CASD1: variants seen among roughly 807,000 people sequenced by gnomAD.
CASD1 encodes N-acetylneuraminate (7)9-O-acetyltransferase.
In CASD1, 41 loss-of-function variants were observed where a neutral mutation model predicts 100.0. The ratio of observed to expected loss-of-function variants is 0.41; its 90% CI spans 0.32 to 0.53. The LOEUF (loss-of-function observed/expected upper bound fraction) is 0.53. Ranked by LOEUF, CASD1 falls within the 20% of genes least tolerant of loss-of-function variation. CASD1 has a pLI of 0.25. For synonymous variants in CASD1, 321 were observed against 315.6 expected (o/e 1.02, Z -0.18); for missense variants, 774 against 948.7 (o/e 0.82, Z 2.42).
Position 94,545,666 on chromosome 7 carries a change from C to T in CASD1, c.1598C>T (p.Ala533Val). ...VWFMVIYVTL[A>V]LWPQIIQKKA... ...TTCATGGTCATATATGTTACTTTAG[C>T]ACTATGGCCACAAATAATCCAAAAA... is the stretch of plus-strand genomic sequence containing the variant. The change falls in exon 12 of 18, where the codon GCA becomes GTA. Residue 533 changes from alanine to valine, a missense_variant. Transcript: ENST00000297273. The T allele has an allele frequency of 6.2e-7, 1 of 1,604,136 alleles. No individual in the cohort carries two copies. Among genetic ancestry groups the T allele is most frequent in the African/African-American group, 1.3e-5 (1 of 74,832 alleles).
At chr7:94,543,094 A>G (rs969706245) in intron 10 of CASD1, among the ~76,000 whole-genome samples, 1 of 152,156 alleles carries the variant, frequency 6.6e-6, no homozygotes, top group Non-Finnish European at 1.5e-5. Flanking sequence ...GGCAAGAATA[A>G]ACAGGTAAAT....
At chr7:94,588,595 GA>G in the CASD1 span, 1 of 1,553,306 alleles carries the variant, frequency 6.4e-7, no homozygotes, top group Non-Finnish European at 8.7e-7. Flanking sequence ...CTTATTTGGT[GA>G]AGATAAAGCT....
chr7:94,536,235 T>TC, intron 8 of CASD1, among the ~76,000 whole-genome samples: 1 of 152,078 alleles, frequency 6.6e-6, no homozygotes, highest in Admixed American at 6.6e-5. Flanking sequence ...AGAGAGAGAC[T>TC]CCATCTCAAG....
chr7:94,608,579 G>A, the CASD1 span, among the ~76,000 whole-genome samples: 9 of 152,084 alleles, frequency 5.9e-5, no homozygotes, highest in Admixed American at 5.9e-4. Context: ...TTATTCTAAA[G>A]TTTATATGGA....
chr7:94,632,787 T>C, the CASD1 span, among the ~76,000 whole-genome samples: 1 of 152,074 alleles, frequency 6.6e-6, no homozygotes, highest in Non-Finnish European at 1.5e-5. Context: ...TATTTACACC[T>C]ATGCTTCCTT....
chr7:94,547,265 T>G, intron 13 of CASD1, 90 bp downstream of exon 13: 1 of 839,574 alleles, frequency 1.2e-6, no homozygotes. Context: ...AGAGCTTTTT[T>G]TTAGCTTCAT....
At chr7:94,571,444 A>G in the CASD1 span, among the ~76,000 whole-genome samples, 1 of 152,262 alleles carries the variant, frequency 6.6e-6, no homozygotes, top group East Asian at 1.9e-4. Context: ...TGTAATAATT[A>G]TGAGGAGCTT....
chr7:94,552,271 T>C (rs1356337304), intron 15 of CASD1, 79 bp from the exon 16 acceptor site: 6 of 914,520 alleles, frequency 6.6e-6, no homozygotes, highest in South Asian at 1.4e-5. Context: ...AATAAAGAAC[T>C]GTAAAAAAAA....
the CASD1 span, chr7:94,598,980 TAAAAC>T: frequency 4.4e-6 from 7 of 1,593,982 alleles, no homozygotes; most frequent in Middle Eastern, 1.7e-4. Flanking sequence ...CAAAAAGAAA[TAAAAC>T]AACATATATT....
At position 94,537,549 on chromosome 7, in the gene CASD1, T is replaced by C; in HGVS notation, c.921T>C (p.Pro307=). 1 of 1,613,976 alleles carries C rather than the reference T, an allele frequency of 6.2e-7. No individual in the cohort carries two copies. The highest frequency in any genetic ancestry group is 8.5e-7 in the Non-Finnish European group (1 of 1,179,892). The part of the protein sequence containing the change: ...PVDGSCCQPR[P]PVTLIQKLAA... The stretch of plus-strand genomic sequence containing the variant: ...ATGGGTCCTGTTGTCAACCTCGGCC[T>C]CCTGTTACTCTCATACAGAAGCTAG... Residue 307 remains proline (P), a synonymous_variant, in exon 9 of 18, where the codon CCT becomes CCC. Coordinates refer to ENST00000297273, the MANE Select transcript of CASD1 (RefSeq NM_022900.5).
chr7:94,618,839 T>C, the CASD1 span: 4 of 1,614,074 alleles, frequency 2.5e-6, no homozygotes, highest in Non-Finnish European at 3.4e-6. Flanking sequence ...GTTCAGGCGC[T>C]CTGGCTGCCA....
chr7:94,579,241 G>C, the CASD1 span, among the ~76,000 whole-genome samples: 4 of 150,720 alleles, frequency 2.7e-5, no homozygotes, highest in Admixed American at 2.0e-4. Flanking sequence ...AAAAGGAAAG[G>C]GGGTATGTTA....
chr7:94,614,738 A>C, the CASD1 span, among the ~76,000 whole-genome samples: 1 of 152,160 alleles, frequency 6.6e-6, no homozygotes. Flanking sequence ...TAAAACACTG[A>C]TTTTAATTAT....
chr7:94,603,528 G>A, the CASD1 span: 1 of 1,402,128 alleles, frequency 7.1e-7, no homozygotes, highest in Non-Finnish European at 1.0e-6. Flanking sequence ...CTTAAAAGCA[G>A]GATTTAGCCT....
chr7:94,582,196 C>T, the CASD1 span, among the ~76,000 whole-genome samples: 1 of 152,330 alleles, frequency 6.6e-6, no homozygotes, highest in Admixed American at 6.5e-5. Flanking sequence ...CAGCTCACTG[C>T]AACTTCCATC....
chr7:94,534,715 G>C (rs1795033757), intron 7 of CASD1, among the ~76,000 whole-genome samples: 1 of 152,104 alleles, frequency 6.6e-6, no homozygotes, highest in Admixed American at 6.5e-5. Flanking sequence ...ATGTCAAGAT[G>C]AAAGGAATAA....
At chr7:94,598,287 TC>T in the CASD1 span, 1 of 180,906 alleles carries the variant, frequency 5.5e-6, no homozygotes, top group African/African-American at 2.4e-5. Flanking sequence ...GTGTTTATAG[TC>T]CAAATTGGAG....
the CASD1 span, among the ~76,000 whole-genome samples, chr7:94,609,695 G>A: frequency 6.6e-6 from 1 of 152,198 alleles, no homozygotes; most frequent in South Asian, 2.1e-4. Context: ...CCAAAATCCA[G>A]AACAGTGGCA....
the CASD1 span, among the ~76,000 whole-genome samples, chr7:94,580,308 A>G: frequency 1.1e-4 from 16 of 152,210 alleles, no homozygotes; most frequent in African/African-American, 3.6e-4. Flanking sequence ...ACCTTCCCCT[A>G]TACTTCACCA....
Sources: allele counts gnomAD v4.1 joint callset (sites outside exome capture counted in the v4.1 genomes callset), GRCh38; gene constraint gnomAD v4.1.1; transcripts MANE v1.5; gene names NCBI Gene and HGNC (gene_info 2026-07-23, HGNC 2026-07-21).